The following RABGAP1 variants were observed in gnomAD, a reference collection of about 807,000 sequenced individuals.
The protein encoded by RABGAP1 is rab GTPase-activating protein 1.
A neutral mutation model predicts 137.6 loss-of-function variants in RABGAP1; 23 were observed. The ratio of observed to expected loss-of-function variants is 0.17; its 90% CI spans 0.12 to 0.24. The LOEUF (loss-of-function observed/expected upper bound fraction) is 0.24. RABGAP1 is among the 10% of genes least tolerant of loss of function. RABGAP1 has a pLI of 1.00. For missense variants in RABGAP1, 906 were observed against 1,275.8 expected, an observed-to-expected ratio of 0.71 and a Z score of 4.42; for synonymous variants, 451 against 450.7, an observed-to-expected ratio of 1.00 and a Z score of -0.01.
intron 13 of RABGAP1, among the ~76,000 whole-genome samples, chr9:123,055,247 A>C (rs2033643041): frequency 6.6e-6 from 1 of 152,188 alleles, no homozygotes; most frequent in Non-Finnish European, 1.5e-5. Context: ...GCTGGAATGC[A>C]ATGGCACGAT....
chr9:123,080,198 T>C (rs28566588), intron 19 of RABGAP1, among the ~76,000 whole-genome samples: 16,631 of 152,232 alleles, frequency 0.11, 2,936 homozygotes, highest in African/African-American at 0.37. Context: ...TTTTCTTGCC[T>C]ATGCCTTCAA....
chr9:122,940,261 T>C (rs1833477629), upstream of RABGAP1: 1 of 152,230 alleles, frequency 6.6e-6, no homozygotes, highest in Non-Finnish European at 1.5e-5. Flanking sequence ...TTAAACTTCA[T>C]TATATTGCTG....
chr9:122,996,522 C>A lies in RABGAP1; in HGVS notation c.1035-17C>A, dbSNP rs1217062700. The A allele has an allele frequency of 1.3e-6, 2 of 1,589,752 alleles. No individual in the cohort carries two copies. Among genetic ancestry groups the A allele is most frequent in the South Asian group, 2.3e-5 (2 of 86,158 alleles). On this transcript the variant is annotated splice_polypyrimidine_tract_variant and intron_variant, in intron 7 of 25. Coordinates refer to ENST00000373647, the MANE Select transcript of RABGAP1 (RefSeq NM_012197.4). ...GTTATCTTTTTTCTTAAATTTATGT[C>A]AGTTCTTTTTTTGTAGGTGTTTTGG...
At chr9:122,966,474 C>T (rs1045108128) in intron 2 of RABGAP1, among the ~76,000 whole-genome samples, 1 of 151,860 alleles carries the variant, frequency 6.6e-6, no homozygotes, top group African/African-American at 2.4e-5. Flanking sequence ...AGTGAGCCTA[C>T]ATTGTGCCAT....
chr9:122,959,429 T>A (rs1834729742), intron 2 of RABGAP1, among the ~76,000 whole-genome samples: 1 of 151,824 alleles, frequency 6.6e-6, no homozygotes. Context: ...TGATCTAATT[T>A]ATATTTTTAA....
chr9:123,091,005 G>T (rs751446438), intron 21 of RABGAP1, among the ~76,000 whole-genome samples: 8 of 152,232 alleles, frequency 5.3e-5, no homozygotes, highest in Non-Finnish European at 1.2e-4. Flanking sequence ...TCTGTAAAGG[G>T]ATGGATAATA....
rs764209083 is a variant in RABGAP1, at chr9:123,101,587, C to T, written c.2911C>T (p.Arg971Trp). 10 of 1,613,622 alleles carry T rather than the reference C, an allele frequency of 6.2e-6. No individual in the cohort carries two copies. Among genetic ancestry groups the T allele is most frequent in the East Asian group, 4.5e-5 (2 of 44,884 alleles). ...TCAGCAAAAAGTGGATGACTGTGAG[C>T]GGTGCCGGGAATTTTTCAACAAAGA... ...KIRQKVDDCE[R>W]CREFFNKEGR... is the part of the protein sequence containing the mutation. Residue 971 changes from arginine to tryptophan, a missense_variant, in exon 25 of 26, where the codon CGG (arginine) becomes TGG (tryptophan). By Grantham distance (101) the Arg-to-Trp change is moderately radical. This residue lies in a region of RABGAP1 where 193 missense variants were observed against 248.1 expected (regional missense o/e 0.78). Transcript: ENST00000373647.
chr9:123,068,348 CAAAA>C lies in RABGAP1; in HGVS notation c.1909-1987_1909-1984del, dbSNP rs998962006. ...TCGGGTGACACAGGAGACTCCATCT[CAAAA>C]AAAAAAAAAAAAAAGAAAAAATCCA... is the stretch of plus-strand genomic sequence containing the variant. On this transcript the variant is annotated intron_variant, in intron 14 of 25. Coordinates refer to ENST00000373647, the MANE Select transcript of RABGAP1 (RefSeq NM_012197.4). 1.1e-4 allele frequency among the ~76,000 whole-genome samples: 7 copies of C among 66,550 alleles called. No individual in the cohort carries two copies. The South Asian group carries it at 1.7e-3, about 16-fold the overall frequency. 43.7% of individuals were successfully genotyped at this position (66,550 alleles called of 152,430 possible).
chr9:123,042,149 C>T (rs2032983684), intron 13 of RABGAP1, among the ~76,000 whole-genome samples: 1 of 152,216 alleles, frequency 6.6e-6, no homozygotes, highest in Non-Finnish European at 1.5e-5. Flanking sequence ...TACCACACTA[C>T]ACTCTCAGAA....
At chr9:122,997,821 G>A (rs564444952) in intron 9 of RABGAP1, among the ~76,000 whole-genome samples, 40 of 152,172 alleles carry the variant, frequency 2.6e-4, no homozygotes, top group Middle Eastern at 3.4e-3. Context: ...TCTTTGAATG[G>A]CATTTAATAG....
intron 19 of RABGAP1, among the ~76,000 whole-genome samples, chr9:123,079,243 T>G (rs1472041729): frequency 1.8e-4 from 11 of 61,104 alleles, no homozygotes; most frequent in Non-Finnish European, 4.3e-4. Context: ...TGTTTTGTTT[T>G]TTTTTTTTTT....
intron 2 of RABGAP1, among the ~76,000 whole-genome samples, chr9:122,958,641 T>A (rs1268732945): frequency 6.6e-6 from 1 of 152,066 alleles, no homozygotes; most frequent in Non-Finnish European, 1.5e-5. Context: ...TGTATACATA[T>A]GTAACAAACC....
intron 10 of RABGAP1, 78 bp downstream of exon 10, chr9:122,998,844 A>G: frequency 1.1e-6 from 1 of 945,964 alleles, no homozygotes; most frequent in Admixed American, 2.7e-5. Flanking sequence ...CTAAGCCCTC[A>G]GATCTTTAAA....
intron 2 of RABGAP1, among the ~76,000 whole-genome samples, chr9:122,974,753 C>T (rs1835677390): frequency 6.6e-6 from 1 of 152,188 alleles, no homozygotes; most frequent in South Asian, 2.1e-4. Context: ...GCTGTTCTTT[C>T]CCGTCCTCTT....
At chr9:122,982,086 C>G (rs1485043303) in intron 2 of RABGAP1, among the ~76,000 whole-genome samples, 1 of 151,614 alleles carries the variant, frequency 6.6e-6, no homozygotes, top group East Asian at 1.9e-4. Context: ...TATACTGTCA[C>G]AGGTAGTAAT....
At chr9:123,051,237 TTTTTTTTTTTTTTTTTTTTTTTTTTTTG>T (rs2033452573) in intron 13 of RABGAP1, among the ~76,000 whole-genome samples, 12 of 72,074 alleles carry the variant, frequency 1.7e-4, no homozygotes, top group South Asian at 1.2e-3. Flanking sequence ...TTTTTTTTTT[TTTTTTTTTTTTTTTTTTTTTTTTTTTTG>T]AGACGGAGTT....
intron 1 of RABGAP1, among the ~76,000 whole-genome samples, chr9:122,952,425 A>AT (rs975512830): frequency 3.6e-4 from 54 of 150,418 alleles, no homozygotes; most frequent in Non-Finnish European, 7.0e-4. Context: ...TGCCTGGCTA[A>AT]TTTTTTTTTC....
chr9:122,951,875 T>C (rs940933396), intron 1 of RABGAP1, among the ~76,000 whole-genome samples: 2 of 152,314 alleles, frequency 1.3e-5, no homozygotes, highest in Middle Eastern at 3.4e-3. Flanking sequence ...TCCTGGCTAA[T>C]TGTGAATCTT....
At chr9:122,998,517 A>G in intron 9 of RABGAP1, 80 bp from the exon 10 acceptor site, 1 of 1,167,100 alleles carries the variant, frequency 8.6e-7, no homozygotes, top group Non-Finnish European at 1.2e-6. Flanking sequence ...TAATAAAAGT[A>G]ATAGCTTTTA....
Sources: gnomAD v4.1 joint callset for allele counts (sites outside exome capture counted in the v4.1 genomes callset) on GRCh38, gnomAD v4.1.1 for gene constraint, gnomAD v4.1.1 regional missense constraint, MANE v1.5 for transcripts, NCBI Gene and HGNC (gene_info 2026-07-23, HGNC 2026-07-21) for gene names.